The following MALRD1 variants were observed in gnomAD, a reference collection of about 807,000 sequenced individuals.
MALRD1 encodes the protein MAM and LDL receptor class A domain containing 1, also known as MAM and LDL-receptor class A domain-containing protein 1.
A neutral mutation model predicts 242.1 loss-of-function variants in MALRD1; 247 were observed. The ratio of observed to expected loss-of-function variants is 1.02; its 90% confidence interval spans 0.92 to 1.13. MALRD1 has a LOEUF of 1.13. MALRD1 is among the 50% of genes most tolerant of loss of function. The pLI is 0.00. For missense variants in MALRD1, 2,989 were observed against 2,533.1 expected (o/e 1.18, Z -3.86); for synonymous variants, 995 against 866.6 (o/e 1.15, Z -2.60).
At chr10:19,487,693 A>C (rs909692746) in intron 29 of MALRD1, among the ~76,000 whole-genome samples, 1 of 152,122 alleles carries the variant, frequency 6.6e-6, no homozygotes, top group Non-Finnish European at 1.5e-5. Flanking sequence ...CCCTAGGGTT[A>C]ACTGTAAATT....
intron 29 of MALRD1, among the ~76,000 whole-genome samples, chr10:19,459,589 T>C (rs1835832491): frequency 6.6e-6 from 1 of 152,082 alleles, no homozygotes. Context: ...TTTATTATAC[T>C]TTTAATCAGT....
intron 12 of MALRD1, among the ~76,000 whole-genome samples, chr10:19,165,266 T>TATATATATATATATATATATATATA (rs1554801500): frequency 1.2e-3 from 141 of 116,110 alleles, no homozygotes; most frequent in African/African-American, 1.9e-3. Flanking sequence ...TATATATATA[T>TATATATATATATATATATATATATA]TTTGTTTTGT....
At chr10:19,436,721 A>T (rs1222484541) in intron 28 of MALRD1, among the ~76,000 whole-genome samples, 1 of 152,104 alleles carries the variant, frequency 6.6e-6, no homozygotes, top group African/African-American at 2.4e-5. Context: ...ATTTGCATTG[A>T]TTGGTCAGAT....
chr10:19,112,458 C>T (rs995432278), intron 5 of MALRD1, among the ~76,000 whole-genome samples: 5 of 152,174 alleles, frequency 3.3e-5, no homozygotes, highest in African/African-American at 9.6e-5. Context: ...TTGCTTAAAT[C>T]ACTTAAGGAA....
At chr10:19,730,016 C>T (rs1271573918) in intron 38 of MALRD1, among the ~76,000 whole-genome samples, 2 of 152,196 alleles carry the variant, frequency 1.3e-5, no homozygotes, top group South Asian at 2.1e-4. Context: ...GGATTACAGG[C>T]GTGAGCCACC....
chr10:19,483,430 T>G (rs567872042), intron 29 of MALRD1, among the ~76,000 whole-genome samples: 1 of 152,088 alleles, frequency 6.6e-6, no homozygotes, highest in East Asian at 1.9e-4. Flanking sequence ...ATATTCAGAA[T>G]CTATAAGCAA....
intron 1 of MALRD1, among the ~76,000 whole-genome samples, chr10:19,065,569 T>C (rs1834954458): frequency 1.3e-5 from 2 of 152,168 alleles, no homozygotes; most frequent in Admixed American, 1.3e-4. Context: ...ACAAGTCCTA[T>C]CATTCCCCTA....
rs186486858 is a variant in MALRD1 at position 19,211,642 on chromosome 10, C to T, written c.2991+1962C>T. 3.7e-5 allele frequency among the ~76,000 whole-genome samples: 5 copies of T among 133,456 alleles called. No individual in the cohort carries two copies. In the East Asian group the frequency reaches 7.1e-4, roughly 19 times the overall value. 87.6% of individuals were successfully genotyped at this position (133,456 alleles called of 152,430 possible). A position where few individuals can be genotyped will look rare whatever the true frequency, so the allele number is the denominator to read the frequency against. ...GCTGAAGTTGCAGTGAGCCGAGATG[C>T]GCTACTGTACTCCAGCCTGGGCAAC... On this transcript the variant is annotated intron_variant, in intron 18 of 39. Transcript: ENST00000454679.
chr10:19,460,478 A>C (rs1835886892), intron 29 of MALRD1, among the ~76,000 whole-genome samples: 1 of 152,044 alleles, frequency 6.6e-6, no homozygotes, highest in Middle Eastern at 3.4e-3. Context: ...GTAACATATA[A>C]GTTTCTGAAA....
At chr10:19,698,781 A>ATG (rs1363148785) in intron 38 of MALRD1, among the ~76,000 whole-genome samples, 3 of 152,176 alleles carry the variant, frequency 2.0e-5, no homozygotes, top group Non-Finnish European at 4.4e-5. Flanking sequence ...TTTTGGCTTA[A>ATG]TGTTTTGAAA....
intron 21 of MALRD1, among the ~76,000 whole-genome samples, chr10:19,303,777 C>G (rs1036493451): frequency 1.3e-5 from 2 of 151,564 alleles, no homozygotes; most frequent in Admixed American, 6.6e-5. Context: ...GTGAATATTA[C>G]ATACTACATT....
chr10:19,143,629 G>C (rs900418615), intron 10 of MALRD1, among the ~76,000 whole-genome samples: 4 of 152,216 alleles, frequency 2.6e-5, no homozygotes, highest in South Asian at 2.1e-4. Flanking sequence ...CTCTACTCAT[G>C]AAAGATTTTG....
intron 38 of MALRD1, among the ~76,000 whole-genome samples, chr10:19,719,040 G>C (rs965842687): frequency 6.6e-6 from 1 of 150,634 alleles, no homozygotes; most frequent in Non-Finnish European, 1.5e-5. Context: ...GTACGTGGCT[G>C]TAGGGCTAGA....
chr10:19,201,836 G>A lies in MALRD1; in HGVS notation c.1952-1892G>A, dbSNP rs186825441. Among the ~76,000 whole-genome samples the A allele has an allele frequency of 6.3e-3, 959 of 151,574 alleles. 5 individuals are homozygous for A. The highest frequency in any genetic ancestry group is 0.016 in the South Asian group (79 of 4,790). On this transcript the variant is annotated intron_variant, in intron 14 of 39. Coordinates refer to ENST00000454679, the MANE Select transcript of MALRD1 (RefSeq NM_001142308.3). Reference sequence around the variant, plus strand: ...TTTACTTGATAAATCTTTTTTTTGAGACAGAGTCTCACTCTGTCACCCAGG... The same window carrying A: ...TTTACTTGATAAATCTTTTTTTTGAAACAGAGTCTCACTCTGTCACCCAGG...
chr10:19,204,956 T>A lies in MALRD1; in HGVS notation c.2269T>A (p.Ser757Thr). 6.4e-7 allele frequency: 1 copy of A among 1,550,522 alleles called. No individual in the cohort carries two copies. The highest frequency in any genetic ancestry group is 8.7e-7 in the Non-Finnish European group (1 of 1,146,898). ...TGAGCTGCAGCTACATATGGAAAAT[T>A]CTCATGACTCAACAGTGATTTGGAG... Reference protein sequence around the residue: ...AAELQLHMENSHDSTVIWRVL... With the variant: ...AAELQLHMENTHDSTVIWRVL... The change falls in exon 17 of 40, where the codon TCT (serine) becomes ACT (threonine). Residue 757 changes from serine (S) to threonine (T), a missense_variant. Physicochemically the swap from Ser to Thr is moderately conservative, Grantham distance 58 (BLOSUM62 1). Coordinates refer to ENST00000454679, the MANE Select transcript of MALRD1 (RefSeq NM_001142308.3).
intron 21 of MALRD1, among the ~76,000 whole-genome samples, chr10:19,312,400 A>ATATATATATATATATATATATGTG (rs1491220851): frequency 7.0e-6 from 1 of 143,594 alleles, no homozygotes; most frequent in African/African-American, 2.6e-5. Context: ...ATATATATAT[A>ATATATATATATATATATATATGTG]TGTGTATATG....
At chr10:19,224,587 A>G (rs1020099868) in intron 18 of MALRD1, among the ~76,000 whole-genome samples, 1 of 152,126 alleles carries the variant, frequency 6.6e-6, no homozygotes, top group Non-Finnish European at 1.5e-5. Context: ...CACCACGCCC[A>G]GCCTATGATG....
intron 28 of MALRD1, among the ~76,000 whole-genome samples, chr10:19,417,323 A>G (rs978796934): frequency 1.3e-5 from 2 of 152,108 alleles, no homozygotes; most frequent in Non-Finnish European, 2.9e-5. Context: ...TTGAACTTTG[A>G]TTTTGGTGGA....
At chr10:19,732,874 C>T (rs1293994349) in intron 39 of MALRD1, among the ~76,000 whole-genome samples, 1 of 152,156 alleles carries the variant, frequency 6.6e-6, no homozygotes, top group Non-Finnish European at 1.5e-5. Context: ...TAATGGATGA[C>T]TTGAGAGCAC....
Sources: gnomAD v4.1 joint callset for allele counts (sites outside exome capture counted in the v4.1 genomes callset) on GRCh38, gnomAD v4.1.1 for gene constraint, MANE v1.5 for transcripts, NCBI Gene and HGNC (gene_info 2026-07-23, HGNC 2026-07-21) for gene names.